The following PER3 variants were observed in gnomAD, a reference collection of about 807,000 sequenced individuals.
PER3 encodes period circadian protein homolog 3.
In PER3, 107 loss-of-function variants were observed where a neutral mutation model predicts 127.2. The ratio of observed to expected loss-of-function variants is 0.84; its 90% CI spans 0.72 to 0.99. The LOEUF is 0.99. Ranked by LOEUF, PER3 falls within the 50% of genes least tolerant of loss-of-function variation. The probability of loss-of-function intolerance (pLI) is 0.00; values close to 1 mark genes in which losing one functional copy is unlikely to be tolerated. For synonymous variants in PER3, 618 were observed against 585.8 expected, an observed-to-expected ratio of 1.05 and a Z score of -0.79; for missense variants, 1,560 against 1,525.8, an observed-to-expected ratio of 1.02 and a Z score of -0.37.
rs370660426 is a variant in PER3, at chr1:7,827,298, G to T, written c.2369G>T (p.Ser790Ile). ...PSAASSPHTS[S>I]PTFPPAAMVP... Reference sequence around the variant, plus strand: ...GCGGCCTCCTCTCCGCACACCTCGAGCCCGACCTTCCCACCTGCCGCCATG... The same window carrying T: ...GCGGCCTCCTCTCCGCACACCTCGATCCCGACCTTCCCACCTGCCGCCATG... The change falls in exon 18 of 22, where the codon AGC (serine) becomes ATC (isoleucine). Residue 790 changes from serine (S) to isoleucine (I), a missense_variant. Physicochemically the swap from Ser to Ile is moderately radical, Grantham distance 142 (BLOSUM62 -2). Transcript: ENST00000377532. 1 of 1,613,600 alleles carries T rather than the reference G, an allele frequency of 6.2e-7. No homozygotes were observed. Among genetic ancestry groups the T allele is most frequent in the African/African-American group, 1.3e-5 (1 of 74,922 alleles).
At chr1:7,819,144 C>A in intron 13 of PER3, 141 bp from the exon 14 acceptor site, 1 of 637,964 alleles carries the variant, frequency 1.6e-6, no homozygotes, top group African/African-American at 1.8e-5. Flanking sequence ...CATTTTAGAT[C>A]TGCACTCATT....
chr1:7,812,352 T>A (rs1325120496), intron 13 of PER3, among the ~76,000 whole-genome samples: 1 of 151,946 alleles, frequency 6.6e-6, no homozygotes, highest in Non-Finnish European at 1.5e-5. Context: ...GGTGGCCGGG[T>A]GCAGTGGCTC....
intron 13 of PER3, among the ~76,000 whole-genome samples, chr1:7,815,728 G>A (rs1577824105): frequency 6.6e-6 from 1 of 152,128 alleles, no homozygotes; most frequent in South Asian, 2.1e-4. Context: ...GCTCACGCCT[G>A]TAATCCCAGC....
intron 8 of PER3, among the ~76,000 whole-genome samples, chr1:7,802,273 T>C (rs960439697): frequency 6.6e-6 from 1 of 152,212 alleles, no homozygotes; most frequent in Non-Finnish European, 1.5e-5. Context: ...TTTTTTTGTT[T>C]TGTTTTTGAG....
chr1:7,842,510 A>G (rs2097396043), intron 21 of PER3, 162 bp from the exon 22 acceptor site: 1 of 506,050 alleles, frequency 2.0e-6, no homozygotes, highest in Non-Finnish European at 2.6e-6. Context: ...AAAAAAAAAA[A>G]TAAAAATAGT....
Position 7,843,986 on chromosome 1 carries a change from G to A in PER3, c.*1231G>A. The A allele has an allele frequency of 8.0e-7, 1 of 1,253,868 alleles. No individual in the cohort carries two copies. The highest frequency in any genetic ancestry group is 1.4e-5 in the South Asian group (1 of 71,822). 77.7% of individuals were successfully genotyped at this position (1,253,868 alleles called of 1,614,324 possible). Reference sequence around the variant, plus strand: ...GAAAAAACAAATAGAAGAAAATGAGGGTTACAGTAACCTGTTGTCTTTATA... The same window carrying A: ...GAAAAAACAAATAGAAGAAAATGAGAGTTACAGTAACCTGTTGTCTTTATA... On this transcript the variant is annotated 3_prime_UTR_variant, in exon 22 of 22. Transcript: ENST00000377532.
chr1:7,812,928 T>C (rs1159291065), intron 13 of PER3, among the ~76,000 whole-genome samples: 1 of 152,328 alleles, frequency 6.6e-6, no homozygotes, highest in Non-Finnish European at 1.5e-5. Flanking sequence ...AAAAATGTTA[T>C]AATTTAAATG....
intron 21 of PER3, among the ~76,000 whole-genome samples, chr1:7,840,559 C>A (rs887156451): frequency 1.3e-5 from 2 of 152,076 alleles, no homozygotes; most frequent in African/African-American, 2.4e-5. Context: ...CTCAAGCAGT[C>A]CACCTGCCTC....
At chr1:7,785,634 A>T (rs1348631889) in intron 3 of PER3, 48 bp downstream of exon 3, 1 of 1,556,024 alleles carries the variant, frequency 6.4e-7, no homozygotes, top group South Asian at 1.1e-5. Flanking sequence ...ACCAGGACTC[A>T]TACAAGCAGC....
chr1:7,836,059 A>G (rs2097356843), intron 20 of PER3, 114 bp downstream of exon 20: 1 of 660,536 alleles, frequency 1.5e-6, no homozygotes, highest in Non-Finnish European at 2.6e-6. Context: ...GTGCAGTGGC[A>G]CGATCTCAGC....
intron 21 of PER3, among the ~76,000 whole-genome samples, chr1:7,840,037 A>T (rs1205447395): frequency 6.6e-6 from 1 of 152,072 alleles, no homozygotes; most frequent in Non-Finnish European, 1.5e-5. Context: ...GGTTTCCCAC[A>T]TGTCCTCCAG....
chr1:7,814,902 T>G (rs1035245680), intron 13 of PER3, among the ~76,000 whole-genome samples: 1 of 152,196 alleles, frequency 6.6e-6, no homozygotes, highest in Non-Finnish European at 1.5e-5. Flanking sequence ...TTGGAAACTT[T>G]AGGAAAACAA....
intron 19 of PER3, among the ~76,000 whole-genome samples, chr1:7,834,314 C>T (rs572051971): frequency 6.6e-4 from 100 of 152,286 alleles, no homozygotes; most frequent in Middle Eastern, 3.4e-3. Flanking sequence ...AACCTTAAGA[C>T]GGAGTACTTC....
intron 19 of PER3, among the ~76,000 whole-genome samples, chr1:7,833,033 TTTC>T (rs1259798735): frequency 3.3e-5 from 5 of 152,150 alleles, no homozygotes; most frequent in African/African-American, 7.2e-5. Context: ...TCACTTGTAT[TTTC>T]TTCTTTGATC....
At chr1:7,789,621 C>T (rs1482024645) in intron 5 of PER3, among the ~76,000 whole-genome samples, 1 of 152,160 alleles carries the variant, frequency 6.6e-6, no homozygotes, top group Non-Finnish European at 1.5e-5. Context: ...CCATCTTAAT[C>T]ATTTTTAGGC....
At chr1:7,822,751 A>G (rs949979730) in intron 16 of PER3, among the ~76,000 whole-genome samples, 6 of 152,216 alleles carry the variant, frequency 3.9e-5, no homozygotes, top group African/African-American at 9.6e-5. Flanking sequence ...AATTGACTCA[A>G]CACTTCAATT....
At chr1:7,788,563 C>T (rs1011360075) in intron 5 of PER3, 11 of 217,280 alleles carry the variant, frequency 5.1e-5, no homozygotes, top group Non-Finnish European at 9.2e-5. Flanking sequence ...AATGTTTTTC[C>T]TCCTTCATGA....
At chr1:7,797,249 G>A (rs12078018) in intron 6 of PER3, among the ~76,000 whole-genome samples, 20,320 of 152,034 alleles carry the variant, frequency 0.13, 1,589 homozygotes, top group Non-Finnish European at 0.15. Flanking sequence ...CTCACTTCCC[G>A]GTGATTCTCT....
intron 16 of PER3, among the ~76,000 whole-genome samples, chr1:7,824,256 G>GT (rs1362803970): frequency 6.6e-6 from 1 of 151,972 alleles, no homozygotes; most frequent in Non-Finnish European, 1.5e-5. Flanking sequence ...TAGAATGAAG[G>GT]AAATAATAAA....
Sources: gnomAD v4.1 joint callset for allele counts (sites outside exome capture counted in the v4.1 genomes callset) on GRCh38, gnomAD v4.1.1 for gene constraint, MANE v1.5 for transcripts, NCBI Gene and HGNC (gene_info 2026-07-23, HGNC 2026-07-21) for gene names.